TVP23A: variants seen among roughly 807,000 people sequenced by gnomAD.
The protein encoded by TVP23A is trans-golgi network vesicle protein 23 homolog A, also known as Golgi apparatus membrane protein TVP23 homolog A.
Under a neutral mutation model 31.7 loss-of-function variants are expected in TVP23A, and 21 were observed. The observed-to-expected ratio is 0.66, with a 90% CI of 0.47 to 0.95. TVP23A has a LOEUF of 0.95. TVP23A is among the 40% of genes least tolerant of loss of function. The probability of loss-of-function intolerance (pLI) is 0.00; values close to 1 mark genes in which losing one functional copy is unlikely to be tolerated. For missense variants in TVP23A, 279 were observed against 255.6 expected (o/e 1.09, Z -0.62); for synonymous variants, 104 against 96.0 (o/e 1.08, Z -0.49).
intron 2 of TVP23A, among the ~76,000 whole-genome samples, chr16:10,814,246 C>A (rs2034333648): frequency 6.6e-6 from 1 of 152,082 alleles, no homozygotes; most frequent in African/African-American, 2.4e-5. Flanking sequence ...TCAAACATAC[C>A]CACCTGGATA....
At chr16:10,792,853 G>A (rs1469801184) in intron 2 of TVP23A, among the ~76,000 whole-genome samples, 2 of 152,286 alleles carry the variant, frequency 1.3e-5, no homozygotes, top group African/African-American at 2.4e-5. Flanking sequence ...GGATATCTGA[G>A]CAGAGGCTGA....
chr16:10,802,656 T>C (rs1272503187), intron 2 of TVP23A, among the ~76,000 whole-genome samples: 1 of 152,192 alleles, frequency 6.6e-6, no homozygotes, highest in Non-Finnish European at 1.5e-5. Context: ...TCTGATATTA[T>C]TTCAAAGTAA....
At position 10,767,589 on chromosome 16, in the gene TVP23A, T is replaced by C. The variant is rs2031090458; in HGVS notation, c.*1513A>G. On this transcript the variant is annotated 3_prime_UTR_variant, in exon 8 of 8. Transcript: ENST00000299866. The surrounding 1 kb of genome is among the most constrained non-coding windows in gnomAD (Gnocchi z 4.6). ...ACTTGGCCTTTTATGCCATATCCTTTTGCATTCTGTACTTTTTTTAACCAT... is the reference window on the plus strand; with the variant it reads ...ACTTGGCCTTTTATGCCATATCCTTCTGCATTCTGTACTTTTTTTAACCAT... 1 of 456,842 alleles carries C rather than the reference T, an allele frequency of 2.2e-6. No homozygotes were observed. The highest frequency in any genetic ancestry group is 3.8e-5 in the Admixed American group (1 of 25,996). 28.3% of individuals were successfully genotyped at this position (456,842 alleles called of 1,614,324 possible).
chr16:10,787,512 C>G (rs1396928643), intron 2 of TVP23A, among the ~76,000 whole-genome samples: 1 of 152,220 alleles, frequency 6.6e-6, no homozygotes, highest in East Asian at 1.9e-4. Context: ...TGGCACCAGC[C>G]AAGTGGAAAG....
intron 2 of TVP23A, among the ~76,000 whole-genome samples, chr16:10,795,151 C>T (rs1382193672): frequency 6.6e-6 from 1 of 151,904 alleles, no homozygotes; most frequent in Non-Finnish European, 1.5e-5. Context: ...CCAACCTGGG[C>T]AACATGGTGA....
At chr16:10,808,808 G>A (rs1362019853) in intron 2 of TVP23A, among the ~76,000 whole-genome samples, 2 of 151,896 alleles carry the variant, frequency 1.3e-5, no homozygotes, top group African/African-American at 4.8e-5. Context: ...AAGAAACACT[G>A]GTCAAACCCC....
chr16:10,802,353 C>T (rs1029798971), intron 2 of TVP23A, among the ~76,000 whole-genome samples: 1 of 148,474 alleles, frequency 6.7e-6, no homozygotes, highest in Non-Finnish European at 1.5e-5. Flanking sequence ...GATCTCGGCT[C>T]ACTGCAACCT....
chr16:10,809,260 G>A (rs2034085021), intron 2 of TVP23A, among the ~76,000 whole-genome samples: 1 of 152,156 alleles, frequency 6.6e-6, no homozygotes, highest in African/African-American at 2.4e-5. Flanking sequence ...CATGGTCACT[G>A]TTCAAGTTCA....
intron 2 of TVP23A, among the ~76,000 whole-genome samples, chr16:10,784,328 C>G (rs1204656564): frequency 7.2e-6 from 1 of 139,058 alleles, no homozygotes; most frequent in Admixed American, 7.5e-5. Context: ...GACTCTGTCT[C>G]AAAAAAAAGA....
At chr16:10,806,014 A>G (rs1255357076) in intron 2 of TVP23A, among the ~76,000 whole-genome samples, 1 of 152,138 alleles carries the variant, frequency 6.6e-6, no homozygotes, top group African/African-American at 2.4e-5. Context: ...CCTGGCCCCA[A>G]ATGGCAAAAG....
chr16:10,766,792 C>T lies in TVP23A; in HGVS notation c.*2310G>A, dbSNP rs1164292787. 1 of 397,062 alleles carries T rather than the reference C, an allele frequency of 2.5e-6. No individual in the cohort carries two copies. The highest frequency in any genetic ancestry group is 3.6e-5 in the East Asian group (1 of 28,066). The allele number at this position is 397,062 out of a possible 1,614,324, so 24.6% of individuals were successfully genotyped here. Reference sequence around the variant, plus strand: ...ATTACAGAGTTTTTGTGTTTAAATACCCTCTACTTGAGGTACGCCCTATAT... The same window carrying T: ...ATTACAGAGTTTTTGTGTTTAAATATCCTCTACTTGAGGTACGCCCTATAT... On this transcript the variant is annotated 3_prime_UTR_variant, in exon 8 of 8. Transcript: ENST00000299866. This position sits in a 1 kb window ranked among gnomAD's most constrained non-coding sequence, Gnocchi z 4.8.
intron 2 of TVP23A, among the ~76,000 whole-genome samples, chr16:10,804,705 C>T (rs533462225): frequency 5.8e-4 from 88 of 152,296 alleles, no homozygotes; most frequent in Middle Eastern, 6.8e-3. Context: ...GTGATCATGC[C>T]ACTGCACTCC....
At chr16:10,785,474 G>A (rs79441980) in intron 2 of TVP23A, among the ~76,000 whole-genome samples, 1 of 152,168 alleles carries the variant, frequency 6.6e-6, no homozygotes, top group East Asian at 1.9e-4. Context: ...AGAGTACACA[G>A]AGAAACTGGG....
intron 2 of TVP23A, among the ~76,000 whole-genome samples, chr16:10,787,114 C>T (rs1019815104): frequency 2.0e-5 from 3 of 152,120 alleles, no homozygotes; most frequent in Admixed American, 2.0e-4. Flanking sequence ...ACCTGGCCAG[C>T]GTGGTGCAGG....
intron 2 of TVP23A, among the ~76,000 whole-genome samples, chr16:10,817,305 T>G (rs528628313): frequency 1.3e-3 from 196 of 152,360 alleles, no homozygotes; most frequent in African/African-American, 4.5e-3. Flanking sequence ...GAGAGTTTGA[T>G]TTTAAAAACA....
chr16:10,780,132 A>T (rs1205083397), intron 2 of TVP23A, among the ~76,000 whole-genome samples: 1 of 151,558 alleles, frequency 6.6e-6, no homozygotes, highest in Non-Finnish European at 1.5e-5. Context: ...AATGAATAAA[A>T]TAAAATAAAG....
At position 10,770,578 on chromosome 16, in the gene TVP23A, C is replaced by A. The variant is rs1729064; in HGVS notation, c.583-247G>T. 0.25 allele frequency among the ~76,000 whole-genome samples: 34,148 copies of A among 134,686 alleles called. 4,700 individuals are homozygous for A. Among genetic ancestry groups the A allele is most frequent in the East Asian group, 0.43 (2,131 of 4,948 alleles). The allele number at this position is 134,686 out of a possible 152,430, so 88.4% of individuals were successfully genotyped here. A position where few individuals can be genotyped will look rare whatever the true frequency, so the allele number is the denominator to read the frequency against. ...TATCTATTAAGTTAAAAAAAAAAAA[C>A]AAAACAAAAACAAGCTGGGCACGGT... On this transcript the variant is annotated intron_variant, in intron 6 of 7. Coordinates refer to ENST00000299866, the MANE Select transcript of TVP23A (RefSeq NM_001079512.4).
chr16:10,806,062 C>T (rs929011696), intron 2 of TVP23A, among the ~76,000 whole-genome samples: 2 of 152,126 alleles, frequency 1.3e-5, no homozygotes, highest in Non-Finnish European at 2.9e-5. Flanking sequence ...AAATATTCGG[C>T]CGGATGCGGT....
At chr16:10,784,024 C>T (rs552127449) in intron 2 of TVP23A, among the ~76,000 whole-genome samples, 2 of 152,224 alleles carry the variant, frequency 1.3e-5, no homozygotes, top group East Asian at 3.9e-4. Context: ...TTTGACATTA[C>T]ACATTTGCCA....
Sources: allele counts gnomAD v4.1 joint callset (sites outside exome capture counted in the v4.1 genomes callset), GRCh38; gene constraint gnomAD v4.1.1; non-coding constraint Gnocchi (gnomAD v3.1); transcripts MANE v1.5; gene names NCBI Gene and HGNC (gene_info 2026-07-23, HGNC 2026-07-21).